The following CTTNBP2 variants were observed in gnomAD, a reference collection of about 807,000 sequenced individuals.
The protein encoded by CTTNBP2 is cortactin binding protein 2.
A neutral mutation model predicts 156.9 loss-of-function variants in CTTNBP2; 108 were observed. The observed-to-expected ratio is 0.69, with a 90% CI of 0.59 to 0.81. CTTNBP2 has a LOEUF of 0.81. Ranked by LOEUF, CTTNBP2 falls within the 30% of genes least tolerant of loss-of-function variation. The pLI is 0.00. For synonymous variants in CTTNBP2, 767 were observed against 751.8 expected, an observed-to-expected ratio of 1.02 and a Z score of -0.33; for missense variants, 1,924 against 2,035.4, an observed-to-expected ratio of 0.95 and a Z score of 1.05.
chr7:117,719,705 T>G (rs558175040), intron 20 of CTTNBP2, 69 bp from the exon 21 acceptor site: 2 of 1,370,646 alleles, frequency 1.5e-6, no homozygotes, highest in East Asian at 2.4e-5. Context: ...CTAGACACTG[T>G]ACCTTTTTTG....
intron 4 of CTTNBP2, among the ~76,000 whole-genome samples, chr7:117,790,444 C>T (rs1318886876): frequency 6.6e-6 from 1 of 152,158 alleles, no homozygotes; most frequent in Non-Finnish European, 1.5e-5. Context: ...TAAGCCACAC[C>T]TGCAGTGGAA....
At chr7:117,800,362 G>A (rs1417331412) in intron 3 of CTTNBP2, among the ~76,000 whole-genome samples, 1 of 151,976 alleles carries the variant, frequency 6.6e-6, no homozygotes, top group Non-Finnish European at 1.5e-5. Context: ...TTATTGGGTA[G>A]GTACTGCAGG....
chr7:117,726,883 T>C (rs1031469740), intron 17 of CTTNBP2, among the ~76,000 whole-genome samples: 1 of 152,142 alleles, frequency 6.6e-6, no homozygotes, highest in African/African-American at 2.4e-5. Flanking sequence ...GCTGTGTCCC[T>C]AACTCAGCAT....
chr7:117,733,535 G>A (rs1448384526), intron 16 of CTTNBP2, among the ~76,000 whole-genome samples: 5 of 152,104 alleles, frequency 3.3e-5, no homozygotes, highest in Non-Finnish European at 7.4e-5. Flanking sequence ...TGCAAGTATC[G>A]GTAATTTGAA....
At chr7:117,735,493 A>C in intron 14 of CTTNBP2, 72 bp from the exon 15 acceptor site, 1 of 1,334,738 alleles carries the variant, frequency 7.5e-7, no homozygotes, top group Non-Finnish European at 1.0e-6. Flanking sequence ...AAACTAAAAA[A>C]GTCTGAAGTT....
At chr7:117,848,566 A>C (rs1348458303) in intron 2 of CTTNBP2, among the ~76,000 whole-genome samples, 1 of 152,230 alleles carries the variant, frequency 6.6e-6, no homozygotes, top group Non-Finnish European at 1.5e-5. Context: ...TCCCTGAGGA[A>C]GTAATTGCTA....
chr7:117,716,455 C>T (rs1211910872), intron 22 of CTTNBP2, among the ~76,000 whole-genome samples: 1 of 152,076 alleles, frequency 6.6e-6, no homozygotes, highest in African/African-American at 2.4e-5. Flanking sequence ...ACAAGGAATC[C>T]TAAATTCTTG....
chr7:117,746,178 TC>T lies in CTTNBP2; in HGVS notation c.3349-80del, dbSNP rs1483233586. 74 of 915,674 alleles carry T rather than the reference TC, an allele frequency of 8.1e-5. No individual in the cohort carries two copies. In the East Asian group the frequency reaches 1.8e-3, roughly 22 times the overall value. 56.7% of individuals were successfully genotyped at this position (915,674 alleles called of 1,614,324 possible). ...AAAAAGTGGTACACAGGTGTGGAAT[TC>T]TTTTTTGATTGTCCTCATACTTTCA... On this transcript the variant is annotated intron_variant, in intron 12 of 22. Transcript: ENST00000160373.
chr7:117,838,757 A>G (rs780027214), intron 2 of CTTNBP2, among the ~76,000 whole-genome samples: 16 of 152,162 alleles, frequency 1.1e-4, no homozygotes, highest in Non-Finnish European at 1.6e-4. Context: ...AAATAGTGGC[A>G]TATAAAATAC....
At chr7:117,745,792 C>T (rs1796293039) in intron 14 of CTTNBP2, 39 bp downstream of exon 14, 1 of 1,362,778 alleles carries the variant, frequency 7.3e-7, no homozygotes, top group Middle Eastern at 1.8e-4. Context: ...AAGAGCATGC[C>T]TTTAGGTTAT....
intron 9 of CTTNBP2, 22 bp from the exon 10 acceptor site, chr7:117,760,732 T>G (rs1797163013): frequency 6.5e-7 from 1 of 1,548,474 alleles, no homozygotes; most frequent in African/African-American, 1.4e-5. Flanking sequence ...GTAAAAGAAT[T>G]AGGAGTTAAA....
intron 2 of CTTNBP2, among the ~76,000 whole-genome samples, chr7:117,815,140 G>A (rs1479956675): frequency 1.3e-5 from 2 of 152,040 alleles, no homozygotes; most frequent in African/African-American, 2.4e-5. Context: ...ATGTACTTTT[G>A]ATATTCTTGT....
chr7:117,767,883 T>C (rs943715668), intron 8 of CTTNBP2, among the ~76,000 whole-genome samples: 2 of 152,154 alleles, frequency 1.3e-5, no homozygotes, highest in South Asian at 2.1e-4. Flanking sequence ...AGAGACAATA[T>C]ATATACATAA....
At chr7:117,827,843 G>T (rs559071059) in intron 2 of CTTNBP2, among the ~76,000 whole-genome samples, 1 of 152,146 alleles carries the variant, frequency 6.6e-6, no homozygotes, top group Non-Finnish European at 1.5e-5. Flanking sequence ...TTTAAATACA[G>T]TCCCTTTTAT....
chr7:117,865,389 G>A (rs1205331377), intron 1 of CTTNBP2, among the ~76,000 whole-genome samples: 4 of 152,032 alleles, frequency 2.6e-5, no homozygotes, highest in Admixed American at 6.5e-5. Context: ...TGCCAGGCAC[G>A]GTGGCTCACG....
chr7:117,784,707 G>A (rs1396823883), intron 4 of CTTNBP2, among the ~76,000 whole-genome samples: 1 of 152,164 alleles, frequency 6.6e-6, no homozygotes, highest in Non-Finnish European at 1.5e-5. Flanking sequence ...TCTTGCACAG[G>A]TAAGTGTTAA....
intron 2 of CTTNBP2, among the ~76,000 whole-genome samples, chr7:117,819,424 G>C (rs906280476): frequency 1.3e-5 from 2 of 150,528 alleles, no homozygotes; most frequent in African/African-American, 4.9e-5. Flanking sequence ...CGGAATGGCT[G>C]GGTGACTGCA....
At chr7:117,795,208 T>C (rs1262122793) in intron 3 of CTTNBP2, among the ~76,000 whole-genome samples, 1 of 152,132 alleles carries the variant, frequency 6.6e-6, no homozygotes, top group East Asian at 1.9e-4. Context: ...TGTTTTTATA[T>C]GTATATCTTA....
At chr7:117,844,624 CA>C (rs1802475602) in intron 2 of CTTNBP2, among the ~76,000 whole-genome samples, 2 of 151,994 alleles carry the variant, frequency 1.3e-5, no homozygotes, top group African/African-American at 4.8e-5. Context: ...TGCAATAGGG[CA>C]AAAGGAAACA....
Sources: allele counts gnomAD v4.1 joint callset (sites outside exome capture counted in the v4.1 genomes callset), GRCh38; gene constraint gnomAD v4.1.1; transcripts MANE v1.5; gene names NCBI Gene and HGNC (gene_info 2026-07-23, HGNC 2026-07-21).